The following RAB7B variants were observed in gnomAD, a reference collection of about 807,000 sequenced individuals.
RAB7B encodes the protein ras-related protein Rab-7b.
At chr1:205,993,247 G>GT (rs1486626772) in intron 3 of RAB7B, among the ~76,000 whole-genome samples, 173 bp downstream of exon 3, 1 of 152,142 alleles carries the variant, frequency 6.6e-6, no homozygotes, top group African/African-American at 2.4e-5. Context: ...CCCCAGTGAA[G>GT]TCTTATTTAC....
chr1:205,996,348 G>C, intron 1 of RAB7B, among the ~76,000 whole-genome samples: 1 of 152,254 alleles, frequency 6.6e-6, no homozygotes, highest in South Asian at 2.1e-4. Flanking sequence ...CTCAGATGAG[G>C]TGTCAAAAGT....
intron 4 of RAB7B, among the ~76,000 whole-genome samples, chr1:205,991,215 G>A (rs908913935): frequency 9.5e-4 from 145 of 152,200 alleles, no homozygotes; most frequent in Non-Finnish European, 1.8e-3. Context: ...CTCAAGGTTG[G>A]CAGTGAGATT....
intron 1 of RAB7B, among the ~76,000 whole-genome samples, chr1:205,998,454 A>G (rs1330611892): frequency 6.6e-6 from 1 of 152,208 alleles, no homozygotes; most frequent in African/African-American, 2.4e-5. Context: ...TGTGCACAGG[A>G]ATCTAGGGCA....
rs1660771839 is a variant in RAB7B, at chr1:205,994,158, G to A, written c.-16-7C>T. ...CATGGAAGGGCTTCAGAGCCTGTAA[G>A]GAAACAGAGGTCATCCACATGCTAG... On this transcript the variant is annotated splice_region_variant and splice_polypyrimidine_tract_variant and intron_variant, in intron 1 of 5. Transcript: ENST00000617070. 1 of 398,660 alleles carries A rather than the reference G, an allele frequency of 2.5e-6. No homozygotes were observed. The allele number at this position is 398,660 out of a possible 1,614,324, so 24.7% of individuals were successfully genotyped here. A position where few individuals can be genotyped will look rare whatever the true frequency, so the allele number is the denominator to read the frequency against.
Position 205,995,109 on chromosome 1 carries a change from C to T in RAB7B, c.-16-958G>A, listed in dbSNP as rs1041659648. On this transcript the variant is annotated intron_variant, in intron 1 of 5. Coordinates refer to ENST00000617070, the MANE Select transcript of RAB7B (RefSeq NM_001164522.3). ...GAACATCACACACCGGGGCCTGTCA[C>T]GGGGTGGGGGCAGGGGGTGGGATAG... Among the ~76,000 whole-genome samples the T allele has an allele frequency of 7.8e-3, 1,181 of 151,820 alleles. 7 individuals are homozygous for T. Among genetic ancestry groups the T allele is most frequent in the Non-Finnish European group, 0.012 (813 of 67,928 alleles).
intron 5 of RAB7B, among the ~76,000 whole-genome samples, chr1:205,980,149 C>A (rs1273024302): frequency 1.3e-5 from 2 of 152,212 alleles, no homozygotes; most frequent in Non-Finnish European, 2.9e-5. Context: ...GAACCTGGGT[C>A]CAGCCCTTCG....
intron 4 of RAB7B, among the ~76,000 whole-genome samples, chr1:205,991,407 T>G (rs1371290618): frequency 2.0e-5 from 3 of 152,268 alleles, no homozygotes; most frequent in African/African-American, 7.2e-5. Flanking sequence ...ACAGAACCGA[T>G]GACTCGTAGA....
rs981347315 is a variant in RAB7B, at chr1:205,994,073, C to T, written c.53+10G>A. 606 of 398,660 alleles carry T rather than the reference C, an allele frequency of 1.5e-3. 5 individuals carry two copies. The highest frequency in any genetic ancestry group is 0.011 in the African/African-American group (525 of 48,750). 24.7% of individuals were successfully genotyped at this position (398,660 alleles called of 1,614,324 possible). The stretch of plus-strand genomic sequence containing the variant: ...CTGCTTCCCAACTCCCAGAGCTGAG[C>T]TTGGCTTACCCAATGGCTCCGACGA... On this transcript the variant is annotated intron_variant, in intron 2 of 5. Coordinates refer to ENST00000617070, the MANE Select transcript of RAB7B (RefSeq NM_001164522.3).
At chr1:205,988,425 G>A (rs993809148) in intron 4 of RAB7B, among the ~76,000 whole-genome samples, 2 of 151,928 alleles carry the variant, frequency 1.3e-5, no homozygotes, top group African/African-American at 2.4e-5. Context: ...TGTAGAGATG[G>A]GGTCTTGACA....
intron 1 of RAB7B, among the ~76,000 whole-genome samples, chr1:205,995,506 T>C (rs928864769): frequency 1.3e-5 from 2 of 152,164 alleles, no homozygotes; most frequent in Non-Finnish European, 2.9e-5. Context: ...TGTCCATCAA[T>C]GGATGAATGG....
intron 1 of RAB7B, among the ~76,000 whole-genome samples, chr1:205,994,631 G>T (rs2102641752): frequency 6.6e-6 from 1 of 152,328 alleles, no homozygotes; most frequent in South Asian, 2.1e-4. Flanking sequence ...GAATCAAAAG[G>T]CTCCTCTCTA....
intron 4 of RAB7B, 143 bp downstream of exon 4, chr1:205,992,337 C>A: frequency 2.5e-6 from 1 of 396,858 alleles, no homozygotes; most frequent in Non-Finnish European, 4.4e-6. Flanking sequence ...TTTAAAATGT[C>A]TGTATCTACT....
intron 5 of RAB7B, among the ~76,000 whole-genome samples, chr1:205,983,064 A>G (rs1390491984): frequency 2.0e-5 from 3 of 152,170 alleles, no homozygotes; most frequent in Non-Finnish European, 2.9e-5. Context: ...TAGCAGCACC[A>G]TCTGGAAGGC....
At chr1:205,992,409 C>T (rs1474240572) in intron 4 of RAB7B, 71 bp downstream of exon 4, 5 of 398,210 alleles carry the variant, frequency 1.3e-5, no homozygotes, top group Non-Finnish European at 1.8e-5. Context: ...TGTGTGGGAC[C>T]TAACACTGTG....
chr1:205,982,059 C>CAGCA (rs1362443262), intron 5 of RAB7B, among the ~76,000 whole-genome samples: 2 of 152,276 alleles, frequency 1.3e-5, no homozygotes, highest in Non-Finnish European at 2.9e-5. Flanking sequence ...ACTCTGCTCT[C>CAGCA]AGCAGGTGCC....
chr1:205,985,728 C>A (rs939451049), intron 4 of RAB7B, 63 bp from the exon 5 acceptor site: 2 of 96,084 alleles, frequency 2.1e-5, no homozygotes, highest in Admixed American at 1.4e-4. Context: ...ACCATTGCCA[C>A]CATCACATCC....
intron 5 of RAB7B, among the ~76,000 whole-genome samples, chr1:205,980,547 G>A (rs1660470506): frequency 6.6e-6 from 1 of 152,216 alleles, no homozygotes; most frequent in Non-Finnish European, 1.5e-5. Context: ...CATTTCAGTG[G>A]GGGTGTGACT....
chr1:206,001,297 G>A (rs1660887389), intron 1 of RAB7B, among the ~76,000 whole-genome samples: 1 of 149,036 alleles, frequency 6.7e-6, no homozygotes, highest in Admixed American at 6.7e-5. Context: ...TTTTAGAATT[G>A]AAGTTTTTTA....
chr1:205,979,182 G>A (rs1403864072), intron 5 of RAB7B, among the ~76,000 whole-genome samples: 2 of 152,160 alleles, frequency 1.3e-5, no homozygotes, highest in African/African-American at 4.8e-5. Flanking sequence ...CTGACCTCCA[G>A]CCATGTCCTA....
Sources: gnomAD v4.1 joint callset for allele counts (sites outside exome capture counted in the v4.1 genomes callset) on GRCh38, gnomAD v4.1.1 for gene constraint, MANE v1.5 for transcripts, NCBI Gene and HGNC (gene_info 2026-07-23, HGNC 2026-07-21) for gene names.